Variants in ROBO2 observed in about 807,000 individuals in gnomAD.
The protein encoded by ROBO2 is roundabout homolog 2.
In ROBO2, 53 loss-of-function variants were observed where a neutral mutation model predicts 160.8. The ratio of observed to expected loss-of-function variants is 0.33; its 90% CI spans 0.26 to 0.41. The LOEUF is 0.41. ROBO2 is among the 10% of genes least tolerant of loss of function. ROBO2 has a pLI of 1.00. For synonymous variants in ROBO2, 664 were observed against 611.7 expected, an observed-to-expected ratio of 1.09 and a Z score of -1.26; for missense variants, 1,577 against 1,722.4, an observed-to-expected ratio of 0.92 and a Z score of 1.49.
At chr3:76,225,118 G>A (rs1704202932) in intron 2 of ROBO2, among the ~76,000 whole-genome samples, 1 of 152,108 alleles carries the variant, frequency 6.6e-6, no homozygotes, top group South Asian at 2.1e-4. Context: ...TTTAAATAGT[G>A]AATGAGAAGT....
chr3:77,337,637 C>T (rs967626584), intron 2 of ROBO2, among the ~76,000 whole-genome samples: 2 of 152,046 alleles, frequency 1.3e-5, no homozygotes, highest in African/African-American at 4.8e-5. Flanking sequence ...TCGCAAATTG[C>T]ATATCTTGCT....
intron 2 of ROBO2, among the ~76,000 whole-genome samples, chr3:76,318,900 G>C (rs1238487553): frequency 6.6e-6 from 1 of 152,138 alleles, no homozygotes; most frequent in Non-Finnish European, 1.5e-5. Flanking sequence ...GTAATAAGGT[G>C]TTTGCCCAAG....
intron 2 of ROBO2, among the ~76,000 whole-genome samples, chr3:76,521,075 G>T (rs1214936156): frequency 7.1e-6 from 1 of 140,376 alleles, no homozygotes; most frequent in African/African-American, 2.7e-5. Context: ...TTTTGACAGG[G>T]TCTCCCTCTG....
chr3:77,315,256 C>T (rs2063877120), intron 2 of ROBO2, among the ~76,000 whole-genome samples: 2 of 152,176 alleles, frequency 1.3e-5, no homozygotes, highest in Admixed American at 6.5e-5. Context: ...TGTAACTGTA[C>T]ATAAACAAGC....
At chr3:76,770,932 C>A (rs189918962) in intron 2 of ROBO2, among the ~76,000 whole-genome samples, 49 of 151,384 alleles carry the variant, frequency 3.2e-4, no homozygotes, top group Admixed American at 2.3e-3. Context: ...TACTTTCTCA[C>A]CCTTGACTAC....
At chr3:76,872,481 A>G (rs1166978) in intron 2 of ROBO2, among the ~76,000 whole-genome samples, 27,986 of 151,940 alleles carry the variant, frequency 0.18, 2,987 homozygotes, top group Non-Finnish European at 0.24. Flanking sequence ...GCAGCTCTGT[A>G]TATTAGAAAG....
chr3:76,966,634 A>G (rs2059308873), intron 2 of ROBO2, among the ~76,000 whole-genome samples: 1 of 152,194 alleles, frequency 6.6e-6, no homozygotes, highest in Non-Finnish European at 1.5e-5. Context: ...GTCACATTAG[A>G]GTGGGTTCAA....
At chr3:77,437,509 T>G (rs2079419548) in intron 2 of ROBO2, among the ~76,000 whole-genome samples, 1 of 151,984 alleles carries the variant, frequency 6.6e-6, no homozygotes, top group South Asian at 2.1e-4. Context: ...CAATTTATTT[T>G]TATGATAGCA....
chr3:76,164,656 G>A (rs1368084174), intron 2 of ROBO2, among the ~76,000 whole-genome samples: 4 of 152,176 alleles, frequency 2.6e-5, no homozygotes, highest in African/African-American at 9.7e-5. Flanking sequence ...TGTCTCAAGA[G>A]TGGGGTTAAA....
At chr3:77,098,317 G>A (rs1489562419) in exon 2 of ROBO2, 6 of 1,614,178 alleles carry the variant, frequency 3.7e-6, no homozygotes, top group Non-Finnish European at 5.1e-6. Context: ...GCAGTGAGTC[G>A]AAATGCGTCT....
rs571491113 is a variant in ROBO2, at chr3:77,373,522, G to C, written c.389-103892G>C. ...TATTAATATCATATTTCCATGGTAG[G>C]TCTTCCTAGAGTATAAAGAAATCAA... is the stretch of plus-strand genomic sequence containing the variant. On this transcript the variant is annotated intron_variant, in intron 2 of 25. Coordinates refer to ENST00000461745, the Ensembl canonical transcript of ROBO2. Among the ~76,000 whole-genome samples the C allele has an allele frequency of 1.9e-4, 29 of 151,958 alleles. No homozygotes were observed. The East Asian group carries it at 4.8e-3, about 25-fold the overall frequency.
chr3:76,455,957 T>G (rs1256329528), intron 2 of ROBO2, among the ~76,000 whole-genome samples: 3 of 152,178 alleles, frequency 2.0e-5, no homozygotes. Flanking sequence ...AGAGACATAA[T>G]TTTTTCAGCT....
chr3:76,173,908 T>G (rs1460458811), intron 2 of ROBO2, among the ~76,000 whole-genome samples: 2 of 152,196 alleles, frequency 1.3e-5, no homozygotes, highest in Admixed American at 6.6e-5. Context: ...CAAATAGTAT[T>G]TCTGGTTCTA....
intron 2 of ROBO2, among the ~76,000 whole-genome samples, chr3:77,333,273 A>T (rs896152195): frequency 6.6e-6 from 1 of 152,220 alleles, no homozygotes; most frequent in South Asian, 2.1e-4. Context: ...TGTCGCAGAC[A>T]CCTTAATTAA....
At chr3:76,217,182 G>A (rs1462373157) in intron 2 of ROBO2, among the ~76,000 whole-genome samples, 3 of 152,098 alleles carry the variant, frequency 2.0e-5, no homozygotes, top group Admixed American at 6.6e-5. Flanking sequence ...ATGGAAATTT[G>A]TAGCACTAAA....
chr3:75,929,031 A>G (rs552779551), intron 1 of ROBO2, among the ~76,000 whole-genome samples: 1 of 140,736 alleles, frequency 7.1e-6, no homozygotes, highest in African/African-American at 2.7e-5. Context: ...TGATCTATGT[A>G]CTTTCAATGT....
At chr3:76,170,640 T>C (rs2073006508) in intron 2 of ROBO2, among the ~76,000 whole-genome samples, 1 of 152,222 alleles carries the variant, frequency 6.6e-6, no homozygotes, top group African/African-American at 2.4e-5. Context: ...TTTTTTCATC[T>C]AAGATGTTTA....
At chr3:76,159,177 G>A (rs1477259820) in intron 2 of ROBO2, among the ~76,000 whole-genome samples, 8 of 152,098 alleles carry the variant, frequency 5.3e-5, no homozygotes, top group African/African-American at 1.9e-4. Context: ...TTTGGATTTT[G>A]TGTTGTGAAA....
chr3:76,152,502 T>C lies in ROBO2; in HGVS notation c.109+214900T>C, dbSNP rs565619892. Among the ~76,000 whole-genome samples the C allele has an allele frequency of 1.1e-3, 168 of 152,280 alleles. 1 individual carries two copies. Among genetic ancestry groups the C allele is most frequent in the African/African-American group, 3.9e-3 (163 of 41,568 alleles). ...TGAGTATACATTTATTTAATATATG[T>C]ATTTTTTTCAATTGTAGGTAGGGAT... is the stretch of plus-strand genomic sequence containing the variant. On this transcript the variant is annotated intron_variant, in intron 2 of 26. Coordinates refer to the ROBO2 transcript ENST00000487694.
Sources: allele counts gnomAD v4.1 joint callset (sites outside exome capture counted in the v4.1 genomes callset), GRCh38; gene constraint gnomAD v4.1.1; transcripts MANE v1.5; gene names NCBI Gene and HGNC (gene_info 2026-07-23, HGNC 2026-07-21).